Variants in EFHD2 observed in about 807,000 individuals in gnomAD.
The protein encoded by EFHD2 is EF-hand domain family member D2, also known as EF-hand domain-containing protein D2.
Under a neutral mutation model 20.3 loss-of-function variants are expected in EFHD2, and 12 were observed. The ratio of observed to expected loss-of-function variants is 0.59; its 90% CI spans 0.38 to 0.96. The LOEUF is 0.96. Among genes scored for constraint, EFHD2 ranks in the 40% least tolerant of loss-of-function variants. The pLI is 0.00. For synonymous variants in EFHD2, 131 were observed against 143.9 expected (o/e 0.91, Z 0.64); for missense variants, 250 against 334.3 (o/e 0.75, Z 1.97).
chr1:15,420,698 T>C (rs1438942865), intron 1 of EFHD2, among the ~76,000 whole-genome samples: 1 of 152,144 alleles, frequency 6.6e-6, no homozygotes, highest in Non-Finnish European at 1.5e-5. Flanking sequence ...TTCTACACTT[T>C]TAGTAGAGAC....
At chr1:15,418,572 TG>T (rs1707728689) in intron 1 of EFHD2, among the ~76,000 whole-genome samples, 1 of 152,118 alleles carries the variant, frequency 6.6e-6, no homozygotes, top group Non-Finnish European at 1.5e-5. Context: ...CCCAAAGTGC[TG>T]GGATTACAGG....
intron 1 of EFHD2, 112 bp from the exon 2 acceptor site, chr1:15,425,759 G>A: frequency 3.4e-6 from 5 of 1,454,004 alleles, no homozygotes; most frequent in East Asian, 2.5e-5. Flanking sequence ...ACAGTGACGG[G>A]ATTTTATGGT....
rs201530565 is a variant in EFHD2, at chr1:15,428,742, C to T, written c.*18C>T. ...TTAAGTAGCGGGGGCTGCAGCCGAC[C>T]GCCCTGCTCCGGCCCCAGTGTGGTG... On this transcript the variant is annotated 3_prime_UTR_variant, in exon 4 of 4. Coordinates refer to ENST00000375980, the MANE Select transcript of EFHD2 (RefSeq NM_024329.6). 8.3e-5 allele frequency: 130 copies of T among 1,562,700 alleles called. No homozygotes were observed. Among genetic ancestry groups the T allele is most frequent in the Admixed American group, 2.3e-4 (12 of 52,544 alleles).
intron 1 of EFHD2, among the ~76,000 whole-genome samples, chr1:15,417,181 A>G (rs1707688011): frequency 6.6e-6 from 1 of 152,208 alleles, no homozygotes; most frequent in African/African-American, 2.4e-5. Context: ...GCCTCGGCTC[A>G]GGCCCCCGCA....
chr1:15,414,752 C>T (rs1707625633), intron 1 of EFHD2, among the ~76,000 whole-genome samples: 1 of 152,208 alleles, frequency 6.6e-6, no homozygotes, highest in African/African-American at 2.4e-5. Flanking sequence ...CTCCTTCTCT[C>T]CTGCTGAACA....
chr1:15,427,965 G>A (rs529409202), intron 3 of EFHD2: 5 of 470,850 alleles, frequency 1.1e-5, no homozygotes, highest in Admixed American at 2.3e-5. Flanking sequence ...CAGCTTGAGC[G>A]ACTCCCTTCG....
At chr1:15,427,353 A>G in intron 3 of EFHD2, 69 bp downstream of exon 3, 1 of 1,543,756 alleles carries the variant, frequency 6.5e-7, no homozygotes, top group South Asian at 1.2e-5. Flanking sequence ...TGCGAAGTTA[A>G]TAGGTCCCCT....
chr1:15,427,497 AG>A, intron 3 of EFHD2, among the ~76,000 whole-genome samples: 1 of 152,212 alleles, frequency 6.6e-6, no homozygotes, highest in East Asian at 1.9e-4. Context: ...GGGGTGGGTG[AG>A]GGGGGTGTAC....
chr1:15,424,649 C>T (rs1029525212), intron 1 of EFHD2, among the ~76,000 whole-genome samples: 2 of 152,242 alleles, frequency 1.3e-5, no homozygotes, highest in South Asian at 2.1e-4. Context: ...CTGGCCCTGC[C>T]TCCTGCCCCC....
chr1:15,419,300 C>A (rs1159939420), intron 1 of EFHD2, among the ~76,000 whole-genome samples: 2 of 152,208 alleles, frequency 1.3e-5, no homozygotes, highest in African/African-American at 4.8e-5. Flanking sequence ...CCCTCCCTGA[C>A]GAGAACTATT....
intron 3 of EFHD2, 81 bp downstream of exon 3, chr1:15,427,365 C>T (rs1279356626): frequency 6.6e-7 from 1 of 1,519,048 alleles, no homozygotes; most frequent in Non-Finnish European, 8.9e-7. Flanking sequence ...AGGTCCCCTT[C>T]CCGTCCCTGC....
intron 3 of EFHD2, chr1:15,428,105 A>T: frequency 4.8e-6 from 2 of 420,320 alleles, no homozygotes; most frequent in South Asian, 3.5e-5. Context: ...AGGTGAATGA[A>T]GTGCCTGACC....
rs57589251 is a variant in EFHD2, at chr1:15,417,981, CTTTTTTTTTTTTTTTTT to C, written c.308+7712_308+7728del. Among the ~76,000 whole-genome samples, 4 of 97,082 alleles carry C rather than the reference CTTTTTTTTTTTTTTTTT, an allele frequency of 4.1e-5. 1 individual carries two copies. In the East Asian group the frequency reaches 1.3e-3, roughly 30 times the overall value. 63.7% of individuals were successfully genotyped at this position (97,082 alleles called of 152,430 possible). A position where few individuals can be genotyped will look rare whatever the true frequency, so the allele number is the denominator to read the frequency against. On this transcript the variant is annotated intron_variant, in intron 1 of 3. Transcript: ENST00000375980. ...ACGAGGAGCAACTTTCTTTCTTTTT[CTTTTTTTTTTTTTTTTT>C]TTTTTTTTTGAGACAGAGTCTTGCT...
intron 1 of EFHD2, among the ~76,000 whole-genome samples, chr1:15,416,724 G>A (rs913799653): frequency 8.6e-5 from 13 of 151,516 alleles, no homozygotes; most frequent in African/African-American, 3.2e-4. Flanking sequence ...CCCTTACAGT[G>A]GCCCAAACAC....
chr1:15,418,605 G>A (rs547620505), intron 1 of EFHD2, among the ~76,000 whole-genome samples: 25 of 151,224 alleles, frequency 1.7e-4, no homozygotes, highest in Admixed American at 6.6e-5. Flanking sequence ...GCACCCGGCC[G>A]CAACTTTCTA....
At chr1:15,411,833 A>C (rs539429594) in intron 1 of EFHD2, among the ~76,000 whole-genome samples, 130 of 152,218 alleles carry the variant, frequency 8.5e-4, no homozygotes, top group African/African-American at 2.9e-3. Context: ...TCAGTGCCCC[A>C]ACATCAAGCC....
intron 1 of EFHD2, among the ~76,000 whole-genome samples, chr1:15,420,972 A>T (rs1707780263): frequency 6.6e-6 from 1 of 152,194 alleles, no homozygotes; most frequent in Admixed American, 6.5e-5. Flanking sequence ...TTAAAGGTAG[A>T]TGTTAGGAAT....
intron 1 of EFHD2, among the ~76,000 whole-genome samples, chr1:15,425,456 C>T (rs1281082057): frequency 2.0e-5 from 3 of 151,440 alleles, no homozygotes; most frequent in African/African-American, 7.3e-5. Context: ...ACCCGGGAGG[C>T]GGAGGCTGCA....
chr1:15,428,420 CTGGAAG>C, intron 3 of EFHD2, among the ~76,000 whole-genome samples, 167 bp from the exon 4 acceptor site: 1 of 152,342 alleles, frequency 6.6e-6, no homozygotes, highest in South Asian at 2.1e-4. Flanking sequence ...TTGCTTGAAC[CTGGAAG>C]GCAGAGGTTG....
Sources: gnomAD v4.1 joint callset for allele counts (sites outside exome capture counted in the v4.1 genomes callset) on GRCh38, gnomAD v4.1.1 for gene constraint, MANE v1.5 for transcripts, NCBI Gene and HGNC (gene_info 2026-07-23, HGNC 2026-07-21) for gene names.